ERBB2: variants seen among roughly 807,000 people sequenced by gnomAD.
ERBB2 encodes receptor tyrosine-protein kinase erbB-2.
Under a neutral mutation model 149.0 loss-of-function variants are expected in ERBB2, and 61 were observed. That is an observed-to-expected ratio of 0.41 (90% CI 0.33 to 0.51). The LOEUF is 0.51. ERBB2 is among the 20% of genes least tolerant of loss of function. The pLI is 0.25. For synonymous variants in ERBB2, 633 were observed against 678.8 expected (o/e 0.93, Z 1.05); for missense variants, 1,205 against 1,655.1 (o/e 0.73, Z 4.72).
upstream of ERBB2, among the ~76,000 whole-genome samples, chr17:39,690,093 AT>A (rs988327742): frequency 2.0e-5 from 3 of 151,786 alleles, no homozygotes; most frequent in African/African-American, 2.4e-5. Context: ...GTTAAAAAAA[AT>A]TTTTTTTCCC....
At chr17:39,698,408 C>T (rs149495954), upstream of ERBB2, among the ~76,000 whole-genome samples, 66 of 152,072 alleles carry the variant, frequency 4.3e-4, no homozygotes, top group East Asian at 0.011. Flanking sequence ...TACAGGCACC[C>T]GCCACCACAC....
At position 39,715,521 on chromosome 17, in the gene ERBB2, GA is replaced by G; in HGVS notation, c.1299del (p.Arg434GlufsTer10). On this transcript the variant is annotated frameshift_variant, in exon 11 of 27. Coordinates refer to ENST00000269571, the MANE Select transcript of ERBB2 (RefSeq NM_004448.4). LOFTEE classifies it high-confidence loss of function. The part of the protein sequence containing the change: ...SVFQNLQVIR[G>X]RILHNGAYSL... Reference sequence around the variant, plus strand: ...TTCCAGAACCTGCAAGTAATCCGGGGACGAATTCTGCACAAGTGAGCACTGA... The same window carrying G: ...TTCCAGAACCTGCAAGTAATCCGGGGCGAATTCTGCACAAGTGAGCACTGA... 6.2e-7 allele frequency: 1 copy of G among 1,614,184 alleles called. No individual in the cohort carries two copies. The highest frequency in any genetic ancestry group is 8.5e-7 in the Non-Finnish European group (1 of 1,180,034).
At chr17:39,717,192 C>G in intron 14 of ERBB2, 128 bp from the exon 15 acceptor site, 1 of 710,012 alleles carries the variant, frequency 1.4e-6, no homozygotes, top group Non-Finnish European at 2.2e-6. Context: ...GTGTTTGTCC[C>G]AGGAGCATGG....
chr17:39,707,470 C>T (rs2058516073), intron 2 of ERBB2: 1 of 244,670 alleles, frequency 4.1e-6, no homozygotes. Context: ...GAAGAAAGGG[C>T]TGGTGAGAAA....
intron 15 of ERBB2, among the ~76,000 whole-genome samples, chr17:39,719,301 C>A (rs1170528484): frequency 1.3e-5 from 2 of 152,048 alleles, no homozygotes; most frequent in Non-Finnish European, 2.9e-5. Flanking sequence ...GGTCCAGATC[C>A]ATATGGATCC....
intron 16 of ERBB2, 98 bp downstream of exon 16, chr17:39,719,932 T>C (rs2059358177): frequency 2.7e-6 from 3 of 1,124,896 alleles, no homozygotes; most frequent in Non-Finnish European, 4.1e-6. Flanking sequence ...CTGACATATG[T>C]CCCTTCCCAC....
In ERBB2 at chr17:39,727,820, A is replaced by G. The variant is rs763027953; in HGVS notation, c.3544A>G (p.Lys1182Glu). The part of the protein sequence containing the change: ...TLSPGKNGVV[K>E]DVFAFGGAVE... ...CTCCCCAGGGAAGAATGGGGTCGTC[A>G]AAGACGTTTTTGCCTTTGGGGGTGC... Residue 1182 changes from lysine to glutamate, a missense_variant, in exon 27 of 27, where the codon AAA becomes GAA. Lys to Glu is a moderately conservative substitution (Grantham distance 56, BLOSUM62 1). This residue lies in a region of ERBB2 where 312 missense variants were observed against 343.8 expected (regional missense o/e 0.91). Transcript: ENST00000269571. This position sits in a 1 kb window ranked among gnomAD's most constrained non-coding sequence, Gnocchi z 4.3. 6.2e-7 allele frequency: 1 copy of G among 1,613,674 alleles called. No homozygotes were observed. Among genetic ancestry groups the G allele is most frequent in the African/African-American group, 1.3e-5 (1 of 75,046 alleles).
intron 15 of ERBB2, among the ~76,000 whole-genome samples, 168 bp from the exon 16 acceptor site, chr17:39,719,619 C>T (rs762685986): frequency 6.6e-6 from 1 of 152,188 alleles, no homozygotes; most frequent in African/African-American, 2.4e-5. Context: ...GAAGGAGTCT[C>T]CTTGTGAGGT....
intron 15 of ERBB2, 133 bp from the exon 16 acceptor site, chr17:39,719,654 G>GAGCC (rs781159780): frequency 4.7e-5 from 41 of 871,660 alleles, no homozygotes; most frequent in Non-Finnish European, 7.7e-5. Context: ...TGACGGCCTT[G>GAGCC]AGCCCAGTTT....
chr17:39,728,092 G>C lies in ERBB2; in HGVS notation c.*48G>C, dbSNP rs562868556. On this transcript the variant is annotated 3_prime_UTR_variant, in exon 27 of 27. Transcript: ENST00000269571. ...AGCCCTGATGTGTCCTCAGGGAGCA[G>C]GGAAGGCCTGACTTCTGCTGGCATC... The C allele has an allele frequency of 7.3e-7, 1 of 1,366,058 alleles. No homozygotes were observed. The highest frequency in any genetic ancestry group is 1.3e-5 in the South Asian group (1 of 74,094). The allele number at this position is 1,366,058 out of a possible 1,614,324, so 84.6% of individuals were successfully genotyped here.
At chr17:39,708,117 T>G in intron 2 of ERBB2, 1 of 499,066 alleles carries the variant, frequency 2.0e-6, no homozygotes. Flanking sequence ...CCCCCCACCA[T>G]TATCTTTCTT....
chr17:39,716,519 C>T lies in ERBB2; in HGVS notation c.1651C>T (p.Pro551Ser), dbSNP rs2059139219. 2.5e-6 allele frequency: 4 copies of T among 1,614,006 alleles called. No individual in the cohort carries two copies. The African/African-American group carries it at 5.3e-5, about 22-fold the overall frequency. ...VEECRVLQGL[P>S]REYVNARHCL... ...CACCACTGTCCCTTCTCTCAGGCTC[C>T]CCAGGGAGTATGTGAATGCCAGGCA... The change falls in exon 14 of 27, where the codon CCC becomes TCC. Residue 551 changes from proline (P) to serine (S), a missense_variant. Physicochemically the swap from Pro to Ser is moderately conservative, Grantham distance 74 (BLOSUM62 -1). This residue lies in a region of ERBB2 where 569 missense variants were observed against 803.5 expected (regional missense o/e 0.71). Coordinates refer to ENST00000269571, the MANE Select transcript of ERBB2 (RefSeq NM_004448.4).
At position 39,710,330 on chromosome 17, in the gene ERBB2, G is replaced by GT. The variant is rs768967689; in HGVS notation, c.760-9dup. 41 of 1,613,924 alleles carry GT rather than the reference G, an allele frequency of 2.5e-5. 1 individual carries two copies. In the South Asian group the frequency reaches 4.5e-4, roughly 18 times the overall value. ...ACAGCACAGTGAAAGCCAGCCACCTGTCCCCCCAGGCCTGCCTCCACTTCA... is the reference window on the plus strand; with the variant it reads ...ACAGCACAGTGAAAGCCAGCCACCTGTTCCCCCCAGGCCTGCCTCCACTTCA... On this transcript the variant is annotated splice_polypyrimidine_tract_variant and intron_variant, in intron 6 of 26. Transcript: ENST00000269571.
rs1307888184 is a variant in ERBB2 at position 39,700,287 on chromosome 17, C to G, written c.49C>G (p.Pro17Ala). The G allele has an allele frequency of 7.0e-7, 1 of 1,428,410 alleles. No individual in the cohort carries two copies. The highest frequency in any genetic ancestry group is 9.2e-7 in the Non-Finnish European group (1 of 1,092,774). The allele number at this position is 1,428,410 out of a possible 1,614,324, so 88.5% of individuals were successfully genotyped here. The change falls in exon 1 of 27, where the codon CCC (proline) becomes GCC (alanine). Residue 17 changes from proline (P) to alanine (A), a missense_variant. Transcript: ENST00000269571. ...CTGGGGGCTCCTCCTCGCCCTCTTG[C>G]CCCCCGGAGCCGCGAGCACCCAAGG... ...CRWGLLLALL[P>A]PGAASTQVCT...
intron 1 of ERBB2, among the ~76,000 whole-genome samples, chr17:39,705,228 G>T (rs1024656530): frequency 8.5e-5 from 13 of 152,140 alleles, no homozygotes; most frequent in Non-Finnish European, 1.6e-4. Flanking sequence ...CTATTGCCTG[G>T]CGGCCACAGC....
upstream of ERBB2, among the ~76,000 whole-genome samples, chr17:39,691,932 TAC>T (rs368047208): frequency 0.051 from 3,429 of 66,826 alleles, 48 homozygotes; most frequent in Middle Eastern, 0.11. Flanking sequence ...CATATACATA[TAC>T]ATATATATAT....
Position 39,727,085 on chromosome 17 carries a change from C to A in ERBB2, c.3159+82C>A, listed in dbSNP as rs2059810060. The A allele has an allele frequency of 2.2e-6, 3 of 1,350,780 alleles. No individual in the cohort carries two copies. The highest frequency in any genetic ancestry group is 1.5e-5 in the African/African-American group (1 of 68,638). The allele number at this position is 1,350,780 out of a possible 1,614,324, so 83.7% of individuals were successfully genotyped here. The stretch of plus-strand genomic sequence containing the variant: ...GACTAGGGTCCCTTTCTCTGATGTT[C>A]CCTCAACTGTCACCTCTCAAGGAAA... On this transcript the variant is annotated intron_variant, in intron 25 of 26. Coordinates refer to ENST00000269571, the MANE Select transcript of ERBB2 (RefSeq NM_004448.4). The surrounding 1 kb of genome is among the most constrained non-coding windows in gnomAD (Gnocchi z 4.3).
At chr17:39,710,314 T>C in intron 6 of ERBB2, 26 bp from the exon 7 acceptor site, 1 of 1,613,928 alleles carries the variant, frequency 6.2e-7, no homozygotes, top group Non-Finnish European at 8.5e-7. Context: ...AACAGCACAG[T>C]GAAAGCCAGC....
Position 39,725,816 on chromosome 17 carries a change from C to A in ERBB2, c.2835C>A (p.Pro945=), listed in dbSNP as rs543123530. The A allele has an allele frequency of 3.5e-5, 57 of 1,613,922 alleles. No homozygotes were observed. The highest frequency in any genetic ancestry group is 2.0e-4 in the South Asian group (18 of 91,066). Residue 945 remains proline, a synonymous_variant, in exon 23 of 27, where the codon CCC becomes CCA. Transcript: ENST00000269571. This position sits in a 1 kb window ranked among gnomAD's most constrained non-coding sequence, Gnocchi z 4.6. ...LEKGERLPQP[P]ICTIDVYMIM... ...AGGGGGAGCGGCTGCCCCAGCCCCCCATCTGCACCATTGATGTCTACATGA... is the reference window on the plus strand; with the variant it reads ...AGGGGGAGCGGCTGCCCCAGCCCCCAATCTGCACCATTGATGTCTACATGA...
Sources: gnomAD v4.1 joint callset for allele counts (sites outside exome capture counted in the v4.1 genomes callset) on GRCh38, gnomAD v4.1.1 for gene constraint, gnomAD v4.1.1 regional missense constraint, Gnocchi (gnomAD v3.1) non-coding constraint, MANE v1.5 for transcripts, NCBI Gene and HGNC (gene_info 2026-07-23, HGNC 2026-07-21) for gene names.